Variants in ZBTB2 observed in about 807,000 individuals in gnomAD.
ZBTB2 encodes zinc finger and BTB domain-containing protein 2.
In ZBTB2, 2 loss-of-function variants were observed where a neutral mutation model predicts 39.5. The ratio of observed to expected loss-of-function variants is 0.05; its 90% CI spans 0.02 to 0.16. The LOEUF is 0.16. ZBTB2 is among the 10% of genes least tolerant of loss of function. ZBTB2 has a pLI of 1.00. For missense variants in ZBTB2, 391 were observed against 653.0 expected (o/e 0.60, Z 4.37); for synonymous variants, 251 against 256.6 (o/e 0.98, Z 0.21).
rs976494250 is a variant in ZBTB2 at position 151,368,764 on chromosome 6, C to CT, written c.174-1873dup. ...CTACTGCGCCTGGTCATTTTTCTTTCTTTTTTTTTTTAATTTTGAGACGAA... is the reference window on the plus strand; with the variant it reads ...CTACTGCGCCTGGTCATTTTTCTTTCTTTTTTTTTTTTAATTTTGAGACGAA... On this transcript the variant is annotated intron_variant, in intron 2 of 2. Coordinates refer to ENST00000325144, the MANE Select transcript of ZBTB2 (RefSeq NM_020861.3). Among the ~76,000 whole-genome samples, 510 of 135,990 alleles carry CT rather than the reference C, an allele frequency of 3.8e-3. 1 individual carries two copies. Among genetic ancestry groups the CT allele is most frequent in the East Asian group, 0.011 (51 of 4,524 alleles). 89.2% of individuals were successfully genotyped at this position (135,990 alleles called of 152,430 possible).
intron 1 of ZBTB2, among the ~76,000 whole-genome samples, chr6:151,381,443 C>T (rs1779033048): frequency 6.6e-6 from 1 of 152,072 alleles, no homozygotes; most frequent in Non-Finnish European, 1.5e-5. Flanking sequence ...ATCACTTAAA[C>T]TTGGGAAGTG....
rs774767321 is a variant in ZBTB2 at position 151,390,441 on chromosome 6, TGCGCGCGC to T, written c.-13+971_-13+978del. 4.0e-4 allele frequency among the ~76,000 whole-genome samples: 60 copies of T among 148,436 alleles called. 1 individual carries two copies. The highest frequency in any genetic ancestry group is 8.5e-4 in the South Asian group (4 of 4,692). ...GCTCGCCGCTTCCCTCAGTCCCGCG[TGCGCGCGC>T]GCGCTCGCCCCAAGTCCCGCGGAGT... On this transcript the variant is annotated intron_variant, in intron 1 of 2. Transcript: ENST00000325144.
chr6:151,372,498 G>A (rs917322499), intron 2 of ZBTB2, among the ~76,000 whole-genome samples: 2 of 152,088 alleles, frequency 1.3e-5, no homozygotes, highest in Admixed American at 6.6e-5. Flanking sequence ...TGGGGGCAGG[G>A]TGGGGGGTGT....
At chr6:151,382,254 TTTTC>T (rs2114874897) in intron 1 of ZBTB2, among the ~76,000 whole-genome samples, 1 of 152,356 alleles carries the variant, frequency 6.6e-6, no homozygotes, top group East Asian at 1.9e-4. Flanking sequence ...GAAAAAATAC[TTTTC>T]TTTTTCCTTT....
chr6:151,377,037 C>T (rs1778925045), intron 1 of ZBTB2, among the ~76,000 whole-genome samples: 1 of 151,926 alleles, frequency 6.6e-6, no homozygotes, highest in Non-Finnish European at 1.5e-5. Context: ...TGATAACGTA[C>T]AACAACTTGG....
chr6:151,367,941 T>G (rs1189913410), intron 2 of ZBTB2, among the ~76,000 whole-genome samples: 3 of 152,246 alleles, frequency 2.0e-5, no homozygotes, highest in Non-Finnish European at 2.9e-5. Flanking sequence ...AAAGCATCAT[T>G]AGAAATTAGT....
In ZBTB2 at chr6:151,366,511, G is replaced by T. The variant is rs141904198; in HGVS notation, c.555C>A (p.Ala185=). 44 of 1,613,962 alleles carry T rather than the reference G, an allele frequency of 2.7e-5. No individual in the cohort carries two copies. The African/African-American group carries it at 5.5e-4, about 20-fold the overall frequency. Residue 185 remains alanine, a synonymous_variant, in exon 3 of 3, where the codon GCC becomes GCA. Coordinates refer to ENST00000325144, the MANE Select transcript of ZBTB2 (RefSeq NM_020861.3). This position sits in a 1 kb window ranked among gnomAD's most constrained non-coding sequence, Gnocchi z 7.1. ...SQLSQLTSNL[A]QVNRTNMTPS... is the part of the protein sequence containing the mutation. ...GAGTCATATTTGTCCGATTCACCTG[G>T]GCCAGATTTGAAGTCAGCTGGGAGA... is the stretch of plus-strand genomic sequence containing the variant.
chr6:151,376,835 C>G (rs1778921096), intron 1 of ZBTB2, among the ~76,000 whole-genome samples: 1 of 152,226 alleles, frequency 6.6e-6, no homozygotes, highest in Non-Finnish European at 1.5e-5. Context: ...AGCAACTGCA[C>G]TCCTGGACGT....
intron 1 of ZBTB2, among the ~76,000 whole-genome samples, chr6:151,377,750 A>G (rs1021500478): frequency 5.3e-5 from 8 of 151,850 alleles, no homozygotes; most frequent in East Asian, 1.9e-4. Flanking sequence ...TAGCCAGGAC[A>G]GTCTTGATCT....
rs1217815679 is a variant in ZBTB2 at position 151,365,005 on chromosome 6, G to A, written c.*516C>T. The A allele has an allele frequency of 6.5e-6, 1 of 153,266 alleles. No individual in the cohort carries two copies. Among genetic ancestry groups the A allele is most frequent in the Non-Finnish European group, 1.5e-5 (1 of 68,544 alleles). 9.5% of individuals were successfully genotyped at this position (153,266 alleles called of 1,614,324 possible). On this transcript the variant is annotated 3_prime_UTR_variant, in exon 3 of 3. Coordinates refer to ENST00000325144, the MANE Select transcript of ZBTB2 (RefSeq NM_020861.3). The surrounding 1 kb of genome is among the most constrained non-coding windows in gnomAD (Gnocchi z 5.6). ...TCTCTTAAGTGGACATAATCTCAAAGGATGCATTCTGAAGTAAGACACCTG... is the reference window on the plus strand; with the variant it reads ...TCTCTTAAGTGGACATAATCTCAAAAGATGCATTCTGAAGTAAGACACCTG...
At chr6:151,384,957 C>A (rs542084901) in intron 1 of ZBTB2, among the ~76,000 whole-genome samples, 56 of 152,250 alleles carry the variant, frequency 3.7e-4, no homozygotes, top group African/African-American at 1.3e-3. Flanking sequence ...TCTTACTGAT[C>A]GCAGTCACAA....
intron 1 of ZBTB2, among the ~76,000 whole-genome samples, chr6:151,378,618 T>A (rs1352995240): frequency 6.6e-6 from 1 of 152,208 alleles, no homozygotes; most frequent in African/African-American, 2.4e-5. Context: ...TACTTCCTTT[T>A]GCATCTTACT....
intron 1 of ZBTB2, among the ~76,000 whole-genome samples, chr6:151,376,844 G>A (rs1289965752): frequency 6.6e-6 from 1 of 152,132 alleles, no homozygotes. Flanking sequence ...ACTCCTGGAC[G>A]TTTATCCCAG....
chr6:151,374,477 G>C (rs1354834958), intron 1 of ZBTB2, among the ~76,000 whole-genome samples: 2 of 152,154 alleles, frequency 1.3e-5, no homozygotes, highest in Admixed American at 1.3e-4. Flanking sequence ...ATTTATAATA[G>C]AGAGGCTGCC....
chr6:151,367,819 T>C (rs1193179810), intron 2 of ZBTB2, among the ~76,000 whole-genome samples: 1 of 152,248 alleles, frequency 6.6e-6, no homozygotes, highest in Non-Finnish European at 1.5e-5. Flanking sequence ...ATTAATTTTA[T>C]AACTTTAGAT....
At chr6:151,376,814 C>T (rs1778920785) in intron 1 of ZBTB2, among the ~76,000 whole-genome samples, 1 of 152,206 alleles carries the variant, frequency 6.6e-6, no homozygotes, top group Non-Finnish European at 1.5e-5. Context: ...AATGCAACTA[C>T]CACATGACCC....
At chr6:151,385,634 G>A (rs1779133092) in intron 1 of ZBTB2, among the ~76,000 whole-genome samples, 1 of 152,194 alleles carries the variant, frequency 6.6e-6, no homozygotes, top group African/African-American at 2.4e-5. Context: ...GTCCTCTGAA[G>A]TCCTTGATTT....
chr6:151,389,856 CTT>C (rs1779244734), intron 1 of ZBTB2, among the ~76,000 whole-genome samples: 1 of 152,176 alleles, frequency 6.6e-6, no homozygotes, highest in Admixed American at 6.5e-5. Context: ...TTTATTGCCT[CTT>C]TTACTACCAG....
At chr6:151,374,026 G>A (rs1052150755) in intron 1 of ZBTB2, among the ~76,000 whole-genome samples, 2 of 152,100 alleles carry the variant, frequency 1.3e-5, no homozygotes, top group Non-Finnish European at 2.9e-5. Context: ...TTGGACCATC[G>A]AGTCTTTTAG....
Sources: allele counts gnomAD v4.1 joint callset (sites outside exome capture counted in the v4.1 genomes callset), GRCh38; gene constraint gnomAD v4.1.1; non-coding constraint Gnocchi (gnomAD v3.1); transcripts MANE v1.5; gene names NCBI Gene and HGNC (gene_info 2026-07-23, HGNC 2026-07-21).